OPRM1: variants seen among roughly 807,000 people sequenced by gnomAD.
The protein encoded by OPRM1 is opioid receptor mu 1, also known as mu-type opioid receptor.
OPRM1 carries 27 observed loss-of-function variants against 31.8 expected under a neutral mutation model. That is an observed-to-expected ratio of 0.85 (90% CI 0.63 to 1.17). The LOEUF is 1.17. Among genes scored for constraint, OPRM1 ranks in the 50% most tolerant of loss-of-function variants. OPRM1 has a pLI of 0.00. For synonymous variants in OPRM1, 196 were observed against 189.9 expected, an observed-to-expected ratio of 1.03 and a Z score of -0.26; for missense variants, 536 against 511.1, an observed-to-expected ratio of 1.05 and a Z score of -0.47.
intron 1 of OPRM1, among the ~76,000 whole-genome samples, chr6:154,064,173 A>G (rs1784916067): frequency 1.3e-5 from 2 of 152,112 alleles, no homozygotes; most frequent in East Asian, 3.8e-4. Flanking sequence ...AATATTCCTA[A>G]TGAATGTGAG....
At chr6:154,180,176 C>T (rs1008087626) in intron 3 of OPRM1, among the ~76,000 whole-genome samples, 24 of 152,032 alleles carry the variant, frequency 1.6e-4, no homozygotes, top group Non-Finnish European at 3.2e-4. Flanking sequence ...TGTCCAAAAT[C>T]CCTGCTTAAA....
chr6:154,081,279 A>G (rs9479755), intron 1 of OPRM1, among the ~76,000 whole-genome samples: 33,921 of 152,100 alleles, frequency 0.22, 4,702 homozygotes, highest in African/African-American at 0.39. Context: ...CGAGGCAGGC[A>G]GATCACGAGG....
intron 3 of OPRM1, chr6:154,110,350 T>G: frequency 7.2e-7 from 1 of 1,386,050 alleles, no homozygotes; most frequent in Non-Finnish European, 1.0e-6. Context: ...GAAATATCTT[T>G]GCAGAAAATA....
intron 3 of OPRM1, among the ~76,000 whole-genome samples, chr6:154,244,538 G>A (rs552048517): frequency 2.6e-5 from 4 of 152,276 alleles, no homozygotes; most frequent in South Asian, 2.1e-4. Flanking sequence ...GCAAGCCAGG[G>A]CAGGAATGCA....
At chr6:154,045,821 A>G (rs1397304509) in intron 1 of OPRM1, among the ~76,000 whole-genome samples, 1 of 152,320 alleles carries the variant, frequency 6.6e-6, no homozygotes, top group African/African-American at 2.4e-5. Flanking sequence ...AGTTCCCTTG[A>G]CCAGGAAATG....
In OPRM1 at chr6:154,130,948, A is replaced by G. The variant is rs562728940; in HGVS notation, c.*12227A>G. Among the ~76,000 whole-genome samples the G allele has an allele frequency of 6.6e-6, 1 of 152,004 alleles. No individual in the cohort carries two copies. Among genetic ancestry groups the G allele is most frequent in the Non-Finnish European group, 1.5e-5 (1 of 67,972 alleles). On this transcript the variant is annotated 3_prime_UTR_variant, in exon 4 of 4. Transcript: ENST00000330432. ...GTGATCTTGTTGTTTTCATTTTATT[A>G]TGTTATATGAAAAAAAGAAACCTTG...
intron 3 of OPRM1, among the ~76,000 whole-genome samples, chr6:154,194,198 G>A (rs906040327): frequency 6.6e-5 from 10 of 152,148 alleles, no homozygotes; most frequent in Non-Finnish European, 1.0e-4. Flanking sequence ...TCAGGAGTTC[G>A]AGACCAGCCT....
chr6:154,076,305 A>G (rs1457678043), intron 1 of OPRM1, among the ~76,000 whole-genome samples: 1 of 152,226 alleles, frequency 6.6e-6, no homozygotes, highest in Non-Finnish European at 1.5e-5. Context: ...AACACTATGA[A>G]TAAAGTTAAA....
intron 1 of OPRM1, chr6:154,073,846 T>C (rs1787295424): frequency 6.6e-6 from 1 of 152,052 alleles, no homozygotes; most frequent in Admixed American, 6.6e-5. Flanking sequence ...CTATTAAAAA[T>C]ACAAAAATTA....
At position 154,100,131 on chromosome 6, in the gene OPRM1, CAT is replaced by C. The variant is rs1446425744; in HGVS notation, c.1164+8663_1164+8664del. 5.0e-3 allele frequency among the ~76,000 whole-genome samples: 134 copies of C among 26,886 alleles called. 18 individuals carry two copies. Among genetic ancestry groups the C allele is most frequent in the African/African-American group, 0.015 (109 of 7,104 alleles). 17.6% of individuals were successfully genotyped at this position (26,886 alleles called of 152,430 possible). ...TATATTATATATTATCATATTATGA[CAT>C]ATAATATATATTATCATATTATGAC... On this transcript the variant is annotated intron_variant, in intron 3 of 3. Transcript: ENST00000330432.
chr6:154,184,311 C>A (rs907906069), intron 3 of OPRM1, among the ~76,000 whole-genome samples: 2 of 151,958 alleles, frequency 1.3e-5, no homozygotes, highest in African/African-American at 4.8e-5. Flanking sequence ...TGGAAATCAC[C>A]TACATTTCCA....
intron 3 of OPRM1, among the ~76,000 whole-genome samples, chr6:154,190,485 G>A (rs1218129867): frequency 6.6e-6 from 1 of 152,238 alleles, no homozygotes; most frequent in Non-Finnish European, 1.5e-5. Context: ...CTAGCATGGC[G>A]AAAATCCAAA....
intron 1 of OPRM1, among the ~76,000 whole-genome samples, chr6:154,019,532 T>C (rs530245169): frequency 3.9e-5 from 6 of 151,986 alleles, no homozygotes; most frequent in Non-Finnish European, 5.9e-5. Flanking sequence ...GCCCTAAAAA[T>C]TCGTACACTC....
rs372340512 is a variant in OPRM1, at chr6:154,168,550, GAGGTATT to G, written c.1164+77082_1164+77088del. Among the ~76,000 whole-genome samples the G allele has an allele frequency of 3.2e-4, 48 of 152,164 alleles. No homozygotes were observed. Among genetic ancestry groups the G allele is most frequent in the African/African-American group, 1.1e-3 (44 of 41,504 alleles). On this transcript the variant is annotated intron_variant, in intron 3 of 3. Coordinates refer to the OPRM1 transcript ENST00000337049. The surrounding 1 kb of genome is among the most constrained non-coding windows in gnomAD (Gnocchi z 4.1). ...CCATTTCCCAATAAGGTCACATTCT[GAGGTATT>G]AGGGGTTAGGACGTCAACATACGAA...
chr6:154,240,573 C>G (rs1204898662), intron 3 of OPRM1, among the ~76,000 whole-genome samples: 1 of 151,598 alleles, frequency 6.6e-6, no homozygotes, highest in Non-Finnish European at 1.5e-5. Flanking sequence ...ATAGCTGTCT[C>G]ATGAAAAGAG....
intron 1 of OPRM1, among the ~76,000 whole-genome samples, chr6:154,089,149 T>C (rs1791376102): frequency 6.6e-6 from 1 of 152,222 alleles, no homozygotes; most frequent in Non-Finnish European, 1.5e-5. Flanking sequence ...ATTATACTTC[T>C]TGATAATTTT....
At chr6:154,035,698 A>G (rs949834403), upstream of OPRM1, among the ~76,000 whole-genome samples, 4 of 152,164 alleles carry the variant, frequency 2.6e-5, no homozygotes, top group East Asian at 3.8e-4. Flanking sequence ...ATAGATGTTG[A>G]AATTCAAAGA....
At chr6:154,196,404 T>A (rs1282449634) in intron 3 of OPRM1, among the ~76,000 whole-genome samples, 4 of 152,194 alleles carry the variant, frequency 2.6e-5, no homozygotes, top group Admixed American at 2.6e-4. Flanking sequence ...CTGCCTCTTC[T>A]TTAACAATGT....
chr6:154,104,591 A>G (rs1406909141), intron 3 of OPRM1, among the ~76,000 whole-genome samples: 2 of 152,244 alleles, frequency 1.3e-5, no homozygotes, highest in Non-Finnish European at 2.9e-5. Flanking sequence ...CTTAAAAACA[A>G]CTAATGAGAC....
Sources: allele counts gnomAD v4.1 joint callset (sites outside exome capture counted in the v4.1 genomes callset), GRCh38; gene constraint gnomAD v4.1.1; non-coding constraint Gnocchi (gnomAD v3.1); transcripts MANE v1.5; gene names NCBI Gene and HGNC (gene_info 2026-07-23, HGNC 2026-07-21).